The following CADPS variants were observed in gnomAD, a reference collection of about 807,000 sequenced individuals.
The protein encoded by CADPS is calcium dependent secretion activator.
CADPS carries 57 observed loss-of-function variants against 167.3 expected under a neutral mutation model. The ratio of observed to expected loss-of-function variants is 0.34; its 90% CI spans 0.28 to 0.42. The LOEUF is 0.42. CADPS is among the 20% of genes least tolerant of loss of function. The probability of loss-of-function intolerance (pLI) is 1.00; values close to 1 mark genes in which losing one functional copy is unlikely to be tolerated. For missense variants in CADPS, 1,414 were observed against 1,738.1 expected, an observed-to-expected ratio of 0.81 and a Z score of 3.32; for synonymous variants, 676 against 635.3, an observed-to-expected ratio of 1.06 and a Z score of -0.96.
chr3:62,662,441 G>T, intron 3 of CADPS, 47 bp from the exon 4 acceptor site: 1 of 1,522,226 alleles, frequency 6.6e-7, no homozygotes, highest in Non-Finnish European at 9.1e-7. Flanking sequence ...GGTCACAAGT[G>T]CCAATAAACT....
At chr3:62,623,938 A>ATT (rs35833859) in intron 6 of CADPS, among the ~76,000 whole-genome samples, 4 of 144,312 alleles carry the variant, frequency 2.8e-5, no homozygotes, top group East Asian at 4.0e-4. Flanking sequence ...TCTGTTGACA[A>ATT]TTTTTTTTTT....
rs116766421 is a variant in CADPS, at chr3:62,764,396, T to C, written c.555+1475A>G. On this transcript the variant is annotated intron_variant, in intron 2 of 29. Transcript: ENST00000383710. ...ACTCATTGGCGATAATGAATGATAC[T>C]TGTAAAATTTTAAAAGATTTAAATT... is the stretch of plus-strand genomic sequence containing the variant. 5.7e-3 allele frequency among the ~76,000 whole-genome samples: 867 copies of C among 152,330 alleles called. 12 individuals carry two copies. The highest frequency in any genetic ancestry group is 0.02 in the African/African-American group (848 of 41,584).
chr3:62,867,263 T>G (rs1186892305), intron 1 of CADPS, among the ~76,000 whole-genome samples: 1 of 151,994 alleles, frequency 6.6e-6, no homozygotes, highest in Non-Finnish European at 1.5e-5. Context: ...GTGCCTTTCC[T>G]CATAGTGGCT....
chr3:62,563,424 G>T (rs2079535097), intron 9 of CADPS, among the ~76,000 whole-genome samples: 1 of 152,144 alleles, frequency 6.6e-6, no homozygotes, highest in South Asian at 2.1e-4. Flanking sequence ...TTTTCTGAAA[G>T]CTGGAACATA....
chr3:62,411,567 A>G (rs2048967043), intron 28 of CADPS, among the ~76,000 whole-genome samples: 1 of 152,220 alleles, frequency 6.6e-6, no homozygotes, highest in South Asian at 2.1e-4. Context: ...AGAACATGGG[A>G]AAAGCATCAT....
At chr3:62,659,655 C>T (rs1349021781) in intron 4 of CADPS, among the ~76,000 whole-genome samples, 3 of 152,228 alleles carry the variant, frequency 2.0e-5, no homozygotes, top group Non-Finnish European at 4.4e-5. Context: ...TGCTGACCCA[C>T]AGTCCACAGG....
At chr3:62,689,871 G>C (rs761873443) in intron 3 of CADPS, among the ~76,000 whole-genome samples, 1 of 152,014 alleles carries the variant, frequency 6.6e-6, no homozygotes, top group Non-Finnish European at 1.5e-5. Context: ...AGAGATGAGG[G>C]GGGGCGGCGT....
chr3:62,469,897 C>T (rs2060387657), intron 24 of CADPS, among the ~76,000 whole-genome samples: 1 of 152,156 alleles, frequency 6.6e-6, no homozygotes. Context: ...AAAGTTTGGT[C>T]AGTTCACTTT....
At chr3:62,645,964 A>G in intron 5 of CADPS, 121 bp from the exon 6 acceptor site, 1 of 1,100,480 alleles carries the variant, frequency 9.1e-7, no homozygotes, top group Non-Finnish European at 1.3e-6. Context: ...GGCTTCTGTT[A>G]GGTTTGTACC....
intron 24 of CADPS, among the ~76,000 whole-genome samples, chr3:62,469,113 G>A (rs893207236): frequency 2.6e-5 from 4 of 152,142 alleles, no homozygotes; most frequent in Non-Finnish European, 4.4e-5. Context: ...TTAAATATAA[G>A]CTTCTTTGTG....
intron 4 of CADPS, among the ~76,000 whole-genome samples, chr3:62,653,585 A>T (rs1162251348): frequency 6.6e-6 from 1 of 152,176 alleles, no homozygotes; most frequent in Non-Finnish European, 1.5e-5. Flanking sequence ...ATGATTCAGG[A>T]CCATATCTAT....
chr3:62,849,184 A>G (rs28820969), intron 1 of CADPS, among the ~76,000 whole-genome samples: 13 of 150,466 alleles, frequency 8.6e-5, no homozygotes, highest in African/African-American at 2.2e-4. Context: ...GGGCTGAGAC[A>G]ATGGGGTTTT....
intron 2 of CADPS, among the ~76,000 whole-genome samples, chr3:62,756,117 G>T (rs117613102): frequency 6.6e-6 from 1 of 150,610 alleles, no homozygotes; most frequent in Non-Finnish European, 1.5e-5. Flanking sequence ...ACAGTGGTGC[G>T]ATCTTGGCTC....
chr3:62,596,646 T>C (rs527455189), intron 6 of CADPS, among the ~76,000 whole-genome samples: 44 of 152,358 alleles, frequency 2.9e-4, no homozygotes, highest in African/African-American at 7.9e-4. Context: ...CTATTAATTA[T>C]TGTTAACTAT....
chr3:62,838,962 A>G (rs1406092717), intron 1 of CADPS, among the ~76,000 whole-genome samples: 12 of 152,208 alleles, frequency 7.9e-5, no homozygotes, highest in African/African-American at 2.9e-4. Flanking sequence ...ATAAAGGTGA[A>G]TAAGAGAATG....
At chr3:62,791,984 C>A (rs1015456486) in intron 1 of CADPS, among the ~76,000 whole-genome samples, 1 of 152,162 alleles carries the variant, frequency 6.6e-6, no homozygotes, top group African/African-American at 2.4e-5. Flanking sequence ...AGGAGATTCA[C>A]ATCCTTAAAC....
chr3:62,682,625 A>G (rs1189261847), intron 3 of CADPS, among the ~76,000 whole-genome samples: 1 of 152,064 alleles, frequency 6.6e-6, no homozygotes, highest in Non-Finnish European at 1.5e-5. Context: ...CTTATTTAAG[A>G]GATCTGGATC....
At chr3:62,537,646 G>A (rs111973119) in intron 11 of CADPS, among the ~76,000 whole-genome samples, 105 of 152,120 alleles carry the variant, frequency 6.9e-4, no homozygotes, top group Non-Finnish European at 1.4e-3. Flanking sequence ...AGGAACTAGC[G>A]ATGCTGTCAG....
chr3:62,493,846 TAA>T (rs969675808), intron 18 of CADPS, among the ~76,000 whole-genome samples, 181 bp from the exon 19 acceptor site: 1 of 152,200 alleles, frequency 6.6e-6, no homozygotes, highest in Non-Finnish European at 1.5e-5. Context: ...TTGGACTTTC[TAA>T]AAAGAGGTAT....
Sources: gnomAD v4.1 joint callset for allele counts (sites outside exome capture counted in the v4.1 genomes callset) on GRCh38, gnomAD v4.1.1 for gene constraint, MANE v1.5 for transcripts, NCBI Gene and HGNC (gene_info 2026-07-23, HGNC 2026-07-21) for gene names.